The following VKORC1L1 variants were observed in gnomAD, a reference collection of about 807,000 sequenced individuals.
The protein encoded by VKORC1L1 is vitamin K epoxide reductase complex subunit 1-like protein 1.
Under a neutral mutation model 18.9 loss-of-function variants are expected in VKORC1L1, and 2 were observed. The observed-to-expected ratio is 0.11, with a 90% confidence interval of 0.04 to 0.33. The LOEUF (loss-of-function observed/expected upper bound fraction) is 0.33, where lower values mean the gene tolerates loss of function less well. Ranked by LOEUF, VKORC1L1 falls within the 10% of genes least tolerant of loss-of-function variation. The pLI is 1.00. For missense variants in VKORC1L1, 123 were observed against 224.1 expected (o/e 0.55, Z 2.88); for synonymous variants, 96 against 100.0 (o/e 0.96, Z 0.24).
chr7:65,865,964 A>C, the VKORC1L1 span, among the ~76,000 whole-genome samples: 1 of 151,894 alleles, frequency 6.6e-6, no homozygotes, highest in Non-Finnish European at 1.5e-5. Context: ...TACTAAAAGT[A>C]CAAAAATTAG....
chr7:65,899,928 C>T (rs924870591), intron 1 of VKORC1L1, among the ~76,000 whole-genome samples: 2 of 148,566 alleles, frequency 1.3e-5, no homozygotes, highest in Middle Eastern at 3.4e-3. Context: ...TGAACTCAGG[C>T]GGCAGAGGTT....
In VKORC1L1 at chr7:65,954,133, G is replaced by A. The variant is rs142363529; in HGVS notation, c.364G>A (p.Val122Met). 121 of 1,610,340 alleles carry A rather than the reference G, an allele frequency of 7.5e-5. No individual in the cohort carries two copies. Among genetic ancestry groups the A allele is most frequent in the African/African-American group, 1.2e-4 (9 of 74,866 alleles). ...CATGACGTCCTCCATCATGTCGGTCGTGGGGTCCCTGTACCTGGCCTACAT... is the reference window on the plus strand; with the variant it reads ...CATGACGTCCTCCATCATGTCGGTCATGGGGTCCCTGTACCTGGCCTACAT... ...ILMTSSIMSV[V>M]GSLYLAYILY... Residue 122 changes from valine to methionine, a missense_variant, in exon 3 of 3, where the codon GTG (valine) becomes ATG (methionine). Physicochemically the swap from Val to Met is conservative, Grantham distance 21. Transcript: ENST00000360768.
intron 1 of VKORC1L1, among the ~76,000 whole-genome samples, chr7:65,900,042 CGTGT>C (rs58269522): frequency 0.082 from 11,474 of 140,650 alleles, 1,067 homozygotes; most frequent in African/African-American, 0.23. Context: ...TGTGCACGCA[CGTGT>C]GTGTGTGTGT....
intron 1 of VKORC1L1, among the ~76,000 whole-genome samples, chr7:65,939,046 G>A (rs560698895): frequency 1.3e-5 from 2 of 152,310 alleles, no homozygotes; most frequent in African/African-American, 4.8e-5. Flanking sequence ...CTGTGGAAAA[G>A]ATATTTGTTG....
chr7:65,892,929 G>A (rs1462163221), intron 1 of VKORC1L1, among the ~76,000 whole-genome samples: 1 of 152,208 alleles, frequency 6.6e-6, no homozygotes, highest in African/African-American at 2.4e-5. Context: ...TCAGAGGCCA[G>A]GTCAAAACTA....
chr7:65,918,365 A>G (rs1296518306), intron 1 of VKORC1L1, among the ~76,000 whole-genome samples: 2 of 152,250 alleles, frequency 1.3e-5, no homozygotes, highest in South Asian at 2.1e-4. Flanking sequence ...TTTCAGCAAC[A>G]TTGCCAGAGC....
In VKORC1L1 at chr7:65,903,882, A is replaced by C. The variant is rs1003415216; in HGVS notation, c.194+30317A>C. Reference sequence around the variant, plus strand: ...CAAATGGTTTAAAATGGAAATTTAGATCTTCACAAAGGATTGAAAAGTGCT... The same window carrying C: ...CAAATGGTTTAAAATGGAAATTTAGCTCTTCACAAAGGATTGAAAAGTGCT... On this transcript the variant is annotated intron_variant, in intron 1 of 2. Transcript: ENST00000360768. Among the ~76,000 whole-genome samples, 5 of 152,272 alleles carry C rather than the reference A, an allele frequency of 3.3e-5. No individual in the cohort carries two copies. The East Asian group carries it at 7.7e-4, about 24-fold the overall frequency.
At chr7:65,948,446 G>T (rs978747924) in intron 1 of VKORC1L1, among the ~76,000 whole-genome samples, 7 of 125,850 alleles carry the variant, frequency 5.6e-5, no homozygotes, top group African/African-American at 2.2e-4. Context: ...ATTCAGATGG[G>T]TATACTGGCA....
intron 1 of VKORC1L1, among the ~76,000 whole-genome samples, chr7:65,946,364 A>G (rs1325529439): frequency 1.3e-5 from 2 of 152,158 alleles, no homozygotes; most frequent in African/African-American, 4.8e-5. Flanking sequence ...ATCAAGCTAG[A>G]GGAGCTTGCT....
intron 1 of VKORC1L1, among the ~76,000 whole-genome samples, chr7:65,943,658 A>G (rs1790072296): frequency 6.6e-6 from 1 of 152,058 alleles, no homozygotes; most frequent in South Asian, 2.1e-4. Context: ...TAGGTGGGGT[A>G]GTGGCAGGCA....
chr7:65,942,312 C>A (rs1484079468), intron 1 of VKORC1L1, among the ~76,000 whole-genome samples: 1 of 151,424 alleles, frequency 6.6e-6, no homozygotes, highest in African/African-American at 2.4e-5. Flanking sequence ...ACGGTGAAAC[C>A]CCATCTCTAC....
intron 1 of VKORC1L1, among the ~76,000 whole-genome samples, chr7:65,912,265 G>A (rs1203126553): frequency 6.6e-6 from 1 of 152,230 alleles, no homozygotes; most frequent in African/African-American, 2.4e-5. Flanking sequence ...TGAGCTGTGC[G>A]TAAATGTTTC....
chr7:65,866,494 G>T, the VKORC1L1 span, among the ~76,000 whole-genome samples: 1 of 152,132 alleles, frequency 6.6e-6, no homozygotes, highest in Non-Finnish European at 1.5e-5. Flanking sequence ...ACCACTTTTT[G>T]AATGGCCTTT....
In VKORC1L1 at chr7:65,958,849, G is replaced by T. The variant is rs183233785; in HGVS notation, c.*4549G>T. On this transcript the variant is annotated 3_prime_UTR_variant, in exon 3 of 3. Coordinates refer to ENST00000360768, the MANE Select transcript of VKORC1L1 (RefSeq NM_173517.6). The stretch of plus-strand genomic sequence containing the variant: ...AACACTCAGAATGTATTAATGAGCT[G>T]TTTTTCCATAGTTTTACTTTAGCTT... 1 of 152,316 alleles carries T rather than the reference G, an allele frequency of 6.6e-6. No individual in the cohort carries two copies. The highest frequency in any genetic ancestry group is 6.5e-5 in the Admixed American group (1 of 15,294). 9.4% of individuals were successfully genotyped at this position (152,316 alleles called of 1,614,324 possible). A position where few individuals can be genotyped will look rare whatever the true frequency, so the allele number is the denominator to read the frequency against.
At chr7:65,917,145 G>T (rs1433084592) in intron 1 of VKORC1L1, among the ~76,000 whole-genome samples, 1 of 151,986 alleles carries the variant, frequency 6.6e-6, no homozygotes, top group Non-Finnish European at 1.5e-5. Flanking sequence ...AGACAAAAAA[G>T]TGTCCTGGTT....
intron 1 of VKORC1L1, among the ~76,000 whole-genome samples, chr7:65,940,469 CAAGTA>C (rs1054372241): frequency 2.6e-5 from 4 of 152,080 alleles, no homozygotes; most frequent in Non-Finnish European, 5.9e-5. Context: ...ATTGTGCCAC[CAAGTA>C]AAGTAAACCA....
chr7:65,902,887 A>G (rs1372377666), intron 1 of VKORC1L1, among the ~76,000 whole-genome samples: 9 of 151,500 alleles, frequency 5.9e-5, no homozygotes, highest in Non-Finnish European at 8.8e-5. Flanking sequence ...TTATTTTGAG[A>G]TGGAGTTTTG....
chr7:65,947,145 AAAC>A (rs1790133253), intron 1 of VKORC1L1, among the ~76,000 whole-genome samples: 1 of 152,140 alleles, frequency 6.6e-6, no homozygotes, highest in Admixed American at 6.6e-5. Flanking sequence ...CAAAAAAACA[AAAC>A]AAAACAAAAC....
intron 1 of VKORC1L1, among the ~76,000 whole-genome samples, chr7:65,891,962 C>T (rs894174943): frequency 6.6e-5 from 10 of 152,154 alleles, no homozygotes; most frequent in South Asian, 4.1e-4. Flanking sequence ...TCCCACTTCC[C>T]TTCCTGTCCT....
Sources: gnomAD v4.1 joint callset for allele counts (sites outside exome capture counted in the v4.1 genomes callset) on GRCh38, gnomAD v4.1.1 for gene constraint, MANE v1.5 for transcripts, NCBI Gene and HGNC (gene_info 2026-07-23, HGNC 2026-07-21) for gene names.